The following RSBN1L variants were observed in gnomAD, a reference collection of about 807,000 sequenced individuals.
RSBN1L encodes the protein round spermatid basic protein 1 like.
Under a neutral mutation model 67.7 loss-of-function variants are expected in RSBN1L, and 30 were observed. The ratio of observed to expected loss-of-function variants is 0.44; its 90% CI spans 0.33 to 0.60. The LOEUF is 0.60. Ranked by LOEUF, RSBN1L falls within the 20% of genes least tolerant of loss-of-function variation. The pLI is 0.02. For missense variants in RSBN1L, 992 were observed against 1,031.7 expected, an observed-to-expected ratio of 0.96 and a Z score of 0.53; for synonymous variants, 433 against 387.0, an observed-to-expected ratio of 1.12 and a Z score of -1.39.
At chr7:77,753,298 G>A (rs1031617570) in intron 3 of RSBN1L, among the ~76,000 whole-genome samples, 3 of 152,152 alleles carry the variant, frequency 2.0e-5, no homozygotes, top group African/African-American at 7.2e-5. Flanking sequence ...GGTTAGTAGT[G>A]TCTTTTTCAT....
intron 3 of RSBN1L, among the ~76,000 whole-genome samples, chr7:77,753,631 A>C (rs115762563): frequency 3.9e-5 from 6 of 152,226 alleles, no homozygotes; most frequent in Non-Finnish European, 7.3e-5. Flanking sequence ...TTTATAATTT[A>C]TAATCCATTT....
Position 77,731,565 on chromosome 7 carries a change from T to G in RSBN1L, c.587-4845T>G, listed in dbSNP as rs1791272274. ...CCATTTTTAATTGTTTGTTTTCTTATTATTGAGTTTAAAGAGTTACCTTTT... is the reference window on the plus strand; with the variant it reads ...CCATTTTTAATTGTTTGTTTTCTTAGTATTGAGTTTAAAGAGTTACCTTTT... On this transcript the variant is annotated intron_variant, in intron 1 of 7. Transcript: ENST00000334955. Among the ~76,000 whole-genome samples, 3 of 152,186 alleles carry G rather than the reference T, an allele frequency of 2.0e-5. No homozygotes were observed. In the South Asian group the frequency reaches 6.2e-4, roughly 31 times the overall value.
intron 3 of RSBN1L, among the ~76,000 whole-genome samples, chr7:77,754,097 G>C (rs1429801380): frequency 6.6e-6 from 1 of 152,134 alleles, no homozygotes; most frequent in Non-Finnish European, 1.5e-5. Flanking sequence ...GAGTGCAATG[G>C]TACGATCATA....
chr7:77,737,228 G>A (rs1353678024), intron 2 of RSBN1L, among the ~76,000 whole-genome samples: 1 of 152,136 alleles, frequency 6.6e-6, no homozygotes, highest in African/African-American at 2.4e-5. Context: ...AGAAGAATCC[G>A]TGGCATTCGG....
chr7:77,754,355 A>G (rs1040203513), intron 3 of RSBN1L, among the ~76,000 whole-genome samples: 2 of 152,216 alleles, frequency 1.3e-5, no homozygotes, highest in Non-Finnish European at 2.9e-5. Flanking sequence ...CATTAAGGCT[A>G]TAGATAAGTT....
intron 2 of RSBN1L, among the ~76,000 whole-genome samples, chr7:77,748,257 A>G (rs1791509624): frequency 6.6e-6 from 1 of 150,970 alleles, no homozygotes; most frequent in African/African-American, 2.5e-5. Context: ...TGTTAGACCA[A>G]AAATTAAGAC....
chr7:77,741,042 G>A (rs1189269298), intron 2 of RSBN1L, among the ~76,000 whole-genome samples: 2 of 146,052 alleles, frequency 1.4e-5, no homozygotes, highest in African/African-American at 5.1e-5. Flanking sequence ...TCTGGAGTGC[G>A]ATGGCACAGT....
At chr7:77,766,740 CTCT>C (rs936648525) in intron 4 of RSBN1L, among the ~76,000 whole-genome samples, 1 of 152,052 alleles carries the variant, frequency 6.6e-6, no homozygotes, top group African/African-American at 2.4e-5. Flanking sequence ...TATAGGACAT[CTCT>C]TCTTTTATTA....
intron 3 of RSBN1L, 56 bp from the exon 4 acceptor site, chr7:77,765,439 T>G: frequency 7.4e-7 from 1 of 1,342,508 alleles, no homozygotes; most frequent in Non-Finnish European, 1.0e-6. Flanking sequence ...ATTAAATCCA[T>G]ATTCTTCAGG....
chr7:77,724,542 C>T (rs1256136362), intron 1 of RSBN1L, among the ~76,000 whole-genome samples: 1 of 151,416 alleles, frequency 6.6e-6, no homozygotes, highest in Non-Finnish European at 1.5e-5. Context: ...TCTCCTGCCT[C>T]AGCCTCCTGA....
intron 1 of RSBN1L, among the ~76,000 whole-genome samples, chr7:77,709,145 ATTCTGT>A (rs1342767607): frequency 2.2e-5 from 3 of 134,446 alleles, no homozygotes; most frequent in Non-Finnish European, 3.1e-5. Flanking sequence ...CATAGAAGGG[ATTCTGT>A]TTGTGTGTGT....
chr7:77,755,517 T>A (rs1293580048), intron 3 of RSBN1L, among the ~76,000 whole-genome samples: 1 of 151,446 alleles, frequency 6.6e-6, no homozygotes, highest in Non-Finnish European at 1.5e-5. Flanking sequence ...AATACAAAAA[T>A]TAGCTGGGCA....
intron 1 of RSBN1L, among the ~76,000 whole-genome samples, chr7:77,727,069 CTG>C (rs1791213469): frequency 6.7e-6 from 1 of 149,082 alleles, no homozygotes; most frequent in Non-Finnish European, 1.5e-5. Flanking sequence ...GTGTGAGCCA[CTG>C]TGCCTGGCCA....
chr7:77,709,363 C>T (rs1790942373), intron 1 of RSBN1L, among the ~76,000 whole-genome samples: 1 of 151,966 alleles, frequency 6.6e-6, no homozygotes, highest in African/African-American at 2.4e-5. Flanking sequence ...AATCTTGGCT[C>T]ACTGCAACCG....
chr7:77,759,260 C>G (rs868748025), intron 3 of RSBN1L, among the ~76,000 whole-genome samples: 1 of 152,076 alleles, frequency 6.6e-6, no homozygotes, highest in Non-Finnish European at 1.5e-5. Context: ...CCCATGCTCC[C>G]CAAATACTTA....
intron 1 of RSBN1L, among the ~76,000 whole-genome samples, chr7:77,728,057 C>T (rs1337278146): frequency 1.3e-5 from 2 of 152,132 alleles, no homozygotes; most frequent in Non-Finnish European, 2.9e-5. Flanking sequence ...GAGCTCCATT[C>T]TTGTACTTCA....
chr7:77,756,760 C>A (rs1026294529), intron 3 of RSBN1L, among the ~76,000 whole-genome samples: 3 of 152,148 alleles, frequency 2.0e-5, no homozygotes, highest in African/African-American at 7.2e-5. Context: ...GCCTGGACGA[C>A]AGAGTGAGAC....
rs778744012 is a variant in RSBN1L, at chr7:77,778,772, A to G, written c.2145A>G (p.Thr715=). 11 of 1,614,156 alleles carry G rather than the reference A, an allele frequency of 6.8e-6. No individual in the cohort carries two copies. The East Asian group carries it at 1.6e-4, about 23-fold the overall frequency. Residue 715 remains threonine (T), a synonymous_variant, in exon 8 of 8, where the codon ACA becomes ACG. Transcript: ENST00000334955. ...AAACAGGCACATCATCAGATTCCAC[A>G]TCATCTGTTCTTGGACCTCACACTG... ...THETGTSSDS[T]SSVLGPHTDN...
At position 77,749,708 on chromosome 7, in the gene RSBN1L, G is replaced by C. The variant is rs1005506503; in HGVS notation, c.988G>C (p.Glu330Gln). 1 of 1,613,972 alleles carries C rather than the reference G, an allele frequency of 6.2e-7. No homozygotes were observed. Among genetic ancestry groups the C allele is most frequent in the Non-Finnish European group, 8.5e-7 (1 of 1,180,018 alleles). ...NSEFPFVSLK[E>Q]PRVQNNLKRL... Reference sequence around the variant, plus strand: ...TGAGTTTCCATTTGTCTCATTAAAGGAGCCACGAGTTCAGAATAACCTCAA... The same window carrying C: ...TGAGTTTCCATTTGTCTCATTAAAGCAGCCACGAGTTCAGAATAACCTCAA... Residue 330 changes from glutamate (E) to glutamine (Q), a missense_variant, in exon 3 of 8, where the codon GAG becomes CAG. Glu to Gln is a conservative substitution (Grantham distance 29, BLOSUM62 2). Transcript: ENST00000334955.
Sources: gnomAD v4.1 joint callset for allele counts (sites outside exome capture counted in the v4.1 genomes callset) on GRCh38, gnomAD v4.1.1 for gene constraint, MANE v1.5 for transcripts, NCBI Gene and HGNC (gene_info 2026-07-23, HGNC 2026-07-21) for gene names.